The following PAGE5 variants were observed in gnomAD, a reference collection of about 807,000 sequenced individuals.
PAGE5 encodes the protein P antigen family member 5.
Under a neutral mutation model 8.1 loss-of-function variants are expected in PAGE5, and 8 were observed. The ratio of observed to expected loss-of-function variants is 0.98; its 90% CI spans 0.58 to 1.77. The LOEUF (loss-of-function observed/expected upper bound fraction) is 1.77, where lower values mean the gene tolerates loss of function less well. Among genes scored for constraint, PAGE5 ranks in the 40% most tolerant of loss-of-function variants. The probability of loss-of-function intolerance (pLI) is 0.00; values close to 1 mark genes in which losing one functional copy is unlikely to be tolerated. For synonymous variants in PAGE5, 30 were observed against 27.0 expected, an observed-to-expected ratio of 1.11 and a Z score of -0.35; for missense variants, 64 against 77.6, an observed-to-expected ratio of 0.82 and a Z score of 0.66.
chrX:55,220,770 C>T, intron 1 of PAGE5: 1 of 749,124 alleles, frequency 1.3e-6, no homozygotes. Flanking sequence ...AGTTTCTGGA[C>T]TCTTCGTTAG....
chrX:55,223,614 C>A (rs1228713923), intron 4 of PAGE5, among the ~76,000 whole-genome samples: 1 of 102,538 alleles, frequency 9.8e-6, no homozygotes, highest in East Asian at 3.1e-4. Context: ...TATTTCATAT[C>A]AAAAAATTTA....
intron 3 of PAGE5, 48 bp from the exon 4 acceptor site, chrX:55,222,573 T>A (rs376395076): frequency 1.8e-6 from 2 of 1,139,316 alleles, no homozygotes; most frequent in Non-Finnish European, 2.4e-6. Context: ...ATTACCTCGT[T>A]CATAGTTCAT....
chrX:55,221,360 A>T lies in PAGE5; in HGVS notation c.-8-15A>T. 8.4e-7 allele frequency: 1 copy of T among 1,194,961 alleles called. No homozygotes were observed. Among genetic ancestry groups the T allele is most frequent in the South Asian group, 1.8e-5 (1 of 55,584 alleles). ...TCTTACACACTTTTTCCAAATAACAATATTTTGTTTTCAGTGAGAGATATG... is the reference window on the plus strand; with the variant it reads ...TCTTACACACTTTTTCCAAATAACATTATTTTGTTTTCAGTGAGAGATATG... On this transcript the variant is annotated splice_polypyrimidine_tract_variant and intron_variant, in intron 1 of 4. Coordinates refer to ENST00000374955, the MANE Select transcript of PAGE5 (RefSeq NM_001013435.3).
intron 4 of PAGE5, among the ~76,000 whole-genome samples, chrX:55,223,351 G>T (rs1209908911): frequency 1.8e-5 from 2 of 111,921 alleles, no homozygotes; most frequent in African/African-American, 6.5e-5. Context: ...AATGTTAATT[G>T]TGCTGGTAAT....
At chrX:55,223,472 A>C (rs1197698724) in intron 4 of PAGE5, among the ~76,000 whole-genome samples, 1 of 111,978 alleles carries the variant, frequency 8.9e-6, no homozygotes, top group Non-Finnish European at 1.9e-5. Flanking sequence ...TCACTACTTA[A>C]AGCAACTACA....
At position 55,222,817 on chromosome X, in the gene PAGE5, G is replaced by A. The variant is rs1471812249; in HGVS notation, c.316+71G>A. On this transcript the variant is annotated intron_variant, in intron 4 of 4. Transcript: ENST00000374955. Reference sequence around the variant, plus strand: ...AATATTGTATTTTGTGTGACACAGAGGTAAAATTACTGCTACTTTAATATC... The same window carrying A: ...AATATTGTATTTTGTGTGACACAGAAGTAAAATTACTGCTACTTTAATATC... The A allele has an allele frequency of 1.4e-5, 15 of 1,098,999 alleles. No homozygotes were observed. In the South Asian group the frequency reaches 1.6e-4, roughly 12 times the overall value. 90.6% of individuals were successfully genotyped at this position (1,098,999 alleles called of 1,213,427 possible). A position where few individuals can be genotyped will look rare whatever the true frequency, so the allele number is the denominator to read the frequency against.
chrX:55,220,476 TG>T, intron 1 of PAGE5, 24 bp downstream of exon 1: 2 of 644,685 alleles, frequency 3.1e-6, no homozygotes, highest in Non-Finnish European at 5.0e-6. Context: ...GTGGTCTTCC[TG>T]GTAATTTAGT....
At chrX:55,220,563 G>A (rs772781904) in intron 1 of PAGE5, 111 bp downstream of exon 1, 32 of 1,168,033 alleles carry the variant, frequency 2.7e-5, no homozygotes, top group Non-Finnish European at 3.4e-5. Context: ...GAGGGAAAAG[G>A]GCCTCGCGGT....
At chrX:55,220,705 G>A in intron 1 of PAGE5, 1 of 1,131,296 alleles carries the variant, frequency 8.8e-7, no homozygotes, top group Non-Finnish European at 1.2e-6. Context: ...CTGGGGGTGG[G>A]TGCTGTTAGA....
intron 1 of PAGE5, 95 bp downstream of exon 1, chrX:55,220,547 G>A (rs1177890456): frequency 8.8e-7 from 1 of 1,137,921 alleles, no homozygotes; most frequent in South Asian, 1.9e-5. Flanking sequence ...CACAGTCCGT[G>A]GCTTTGAGGG....
intron 1 of PAGE5, 200 bp downstream of exon 1, chrX:55,220,652 G>A: frequency 4.2e-6 from 5 of 1,199,364 alleles, no homozygotes; most frequent in Non-Finnish European, 4.5e-6. Flanking sequence ...AGGGAGGAAG[G>A]TAGGCCGTGG....
chrX:55,223,829 T>C (rs1937924891), intron 4 of PAGE5, among the ~76,000 whole-genome samples, 158 bp from the exon 5 acceptor site: 1 of 111,933 alleles, frequency 8.9e-6, no homozygotes, highest in African/African-American at 3.2e-5. Context: ...CCTGGAAGTC[T>C]ACCTTCTGAG....
intron 1 of PAGE5, 170 bp downstream of exon 1, chrX:55,220,622 A>G: frequency 8.3e-7 from 1 of 1,202,868 alleles, no homozygotes; most frequent in Non-Finnish European, 1.1e-6. Flanking sequence ...TGGGCCGGTA[A>G]TCGTGGCTGG....
In PAGE5 at chrX:55,220,378, TTG is replaced by T; in HGVS notation, c.-79_-78del. 4.9e-6 allele frequency: 2 copies of T among 410,854 alleles called. No individual in the cohort carries two copies. Among genetic ancestry groups the T allele is most frequent in the East Asian group, 8.6e-5 (2 of 23,200 alleles). 33.9% of individuals were successfully genotyped at this position (410,854 alleles called of 1,213,427 possible). ...CTAGGCAGAGCTCTGCAAGGAGAGGTTGTGTCTTCGTTCTTTCCGCCATCTTC... is the reference window on the plus strand; with the variant it reads ...CTAGGCAGAGCTCTGCAAGGAGAGGTTGTCTTCGTTCTTTCCGCCATCTTC... On this transcript the variant is annotated 5_prime_UTR_variant, in exon 1 of 5. Transcript: ENST00000374955.
In PAGE5 at chrX:55,222,721, T is replaced by C. The variant is rs1379654752; in HGVS notation, c.291T>C (p.Phe97=). The C allele has an allele frequency of 7.4e-6, 9 of 1,209,095 alleles. No homozygotes were observed. The highest frequency in any genetic ancestry group is 1.8e-5 in the South Asian group (1 of 56,704). ...PDVREGTLPT[F]DPTKVLEAGE... Reference sequence around the variant, plus strand: ...TCAGGGAGGGGACTCTGCCCACTTTTGATCCCACTAAAGTGCTGGAAGCAG... The same window carrying C: ...TCAGGGAGGGGACTCTGCCCACTTTCGATCCCACTAAAGTGCTGGAAGCAG... Residue 97 remains phenylalanine, a synonymous_variant, in exon 4 of 5, where the codon TTT becomes TTC. Transcript: ENST00000374955.
chrX:55,221,443 C>A lies in PAGE5; in HGVS notation c.61C>A (p.Gln21Lys). Residue 21 changes from glutamine to lysine, a missense_variant, in exon 2 of 5, where the codon CAG becomes AAG. Physicochemically the swap from Gln to Lys is moderately conservative, Grantham distance 53. Transcript: ENST00000374955. The stretch of plus-strand genomic sequence containing the variant: ...AAGAGGAAATGACCAAGAGTCTTCC[C>A]AGCCAGTTGGACCTGTGATTGTGAG... ...SERGNDQESS[Q>K]PVGPVIVQQP... is the part of the protein sequence containing the mutation. 8.3e-7 allele frequency: 1 copy of A among 1,208,523 alleles called. No homozygotes were observed. Among genetic ancestry groups the A allele is most frequent in the Admixed American group, 2.2e-5 (1 of 45,966 alleles).
intron 1 of PAGE5, chrX:55,220,750 G>C: frequency 1.2e-6 from 1 of 863,784 alleles, no homozygotes; most frequent in Non-Finnish European, 1.6e-6. Flanking sequence ...GGAACTCTCT[G>C]AGGGAGGACA....
At chrX:55,223,068 T>C (rs1937914879) in intron 4 of PAGE5, among the ~76,000 whole-genome samples, 1 of 111,363 alleles carries the variant, frequency 9.0e-6, no homozygotes, top group African/African-American at 3.3e-5. Context: ...GCTAAGAGAG[T>C]AGATTTTGAG....
At chrX:55,222,025 G>A (rs746398964) in intron 3 of PAGE5, 150 bp downstream of exon 3, 2 of 633,754 alleles carry the variant, frequency 3.2e-6, no homozygotes, top group Non-Finnish European at 4.7e-6. Flanking sequence ...GTGGGACAAG[G>A]ACACATAAAA....
Sources: allele counts gnomAD v4.1 joint callset (sites outside exome capture counted in the v4.1 genomes callset), GRCh38; gene constraint gnomAD v4.1.1; transcripts MANE v1.5; gene names NCBI Gene and HGNC (gene_info 2026-07-23, HGNC 2026-07-21).